PCDH15: variants seen among roughly 807,000 people sequenced by gnomAD.
PCDH15 encodes protocadherin related 15, also known as protocadherin-15.
Under a neutral mutation model 178.5 loss-of-function variants are expected in PCDH15, and 129 were observed. The ratio of observed to expected loss-of-function variants is 0.72; its 90% CI spans 0.63 to 0.84. The LOEUF is 0.84. PCDH15 is among the 40% of genes least tolerant of loss of function. PCDH15 has a pLI of 0.00. For synonymous variants in PCDH15, 800 were observed against 732.0 expected (o/e 1.09, Z -1.50); for missense variants, 2,230 against 2,099.9 (o/e 1.06, Z -1.21).
chr10:54,072,218 C>T (rs983040757), intron 17 of PCDH15, among the ~76,000 whole-genome samples: 1 of 151,980 alleles, frequency 6.6e-6, no homozygotes, highest in South Asian at 2.1e-4. Flanking sequence ...GTTTAGAATT[C>T]AATCATTTTT....
intron 2 of PCDH15, among the ~76,000 whole-genome samples, chr10:55,566,563 C>T (rs1272127643): frequency 2.6e-5 from 4 of 151,468 alleles, no homozygotes; most frequent in African/African-American, 9.7e-5. Flanking sequence ...TTATAGAAAA[C>T]GCTGAAAATT....
At chr10:54,953,943 T>C (rs910577789) in intron 2 of PCDH15, among the ~76,000 whole-genome samples, 4 of 151,380 alleles carry the variant, frequency 2.6e-5, no homozygotes, top group Admixed American at 2.0e-4. Context: ...TTTAATATTT[T>C]GATAGGATTT....
At chr10:54,631,635 C>T (rs2093702702) in intron 2 of PCDH15, among the ~76,000 whole-genome samples, 1 of 152,086 alleles carries the variant, frequency 6.6e-6, no homozygotes, top group South Asian at 2.1e-4. Context: ...TGCACAAAAG[C>T]CAAGTGTATT....
At chr10:55,366,719 G>T (rs1845369535) in intron 2 of PCDH15, among the ~76,000 whole-genome samples, 1 of 152,066 alleles carries the variant, frequency 6.6e-6, no homozygotes, top group African/African-American at 2.4e-5. Flanking sequence ...ATTTAATAAG[G>T]TTTATATAGC....
At chr10:54,187,249 C>T (rs2048555427) in intron 11 of PCDH15, among the ~76,000 whole-genome samples, 1 of 151,924 alleles carries the variant, frequency 6.6e-6, no homozygotes, top group African/African-American at 2.4e-5. Flanking sequence ...TTAATTCTCT[C>T]AATTTATTTT....
chr10:54,545,020 T>C (rs1279133316), intron 2 of PCDH15, among the ~76,000 whole-genome samples: 1 of 152,112 alleles, frequency 6.6e-6, no homozygotes, highest in African/African-American at 2.4e-5. Flanking sequence ...TAATCACAAA[T>C]GTCTGTACTC....
At chr10:54,217,928 TG>T (rs1458956013) in intron 9 of PCDH15, among the ~76,000 whole-genome samples, 1 of 152,206 alleles carries the variant, frequency 6.6e-6, no homozygotes, top group Non-Finnish European at 1.5e-5. Flanking sequence ...TTTGTTTTTT[TG>T]TTTTTTAAGC....
chr10:55,301,866 C>T (rs1003492116), intron 1 of PCDH15, among the ~76,000 whole-genome samples: 10 of 152,106 alleles, frequency 6.6e-5, no homozygotes, highest in African/African-American at 1.2e-4. Context: ...CATTGAATTG[C>T]TTTTGCACTT....
intron 13 of PCDH15, among the ~76,000 whole-genome samples, chr10:54,173,842 T>C (rs1288470040): frequency 6.6e-6 from 1 of 152,054 alleles, no homozygotes; most frequent in Non-Finnish European, 1.5e-5. Context: ...GAAGGAGAAA[T>C]CAGGATGCTC....
At chr10:54,757,936 G>A (rs1234656148) in intron 1 of PCDH15, among the ~76,000 whole-genome samples, 1 of 152,136 alleles carries the variant, frequency 6.6e-6, no homozygotes, top group East Asian at 1.9e-4. Context: ...ATACAGCCAT[G>A]CCTGAAAAAC....
At chr10:54,487,890 T>C (rs1273920857) in intron 3 of PCDH15, among the ~76,000 whole-genome samples, 1 of 151,904 alleles carries the variant, frequency 6.6e-6, no homozygotes, top group African/African-American at 2.4e-5. Flanking sequence ...AAAATGCATA[T>C]ATACACAAAA....
chr10:54,741,947 A>G (rs1383149878), intron 1 of PCDH15, among the ~76,000 whole-genome samples: 1 of 152,038 alleles, frequency 6.6e-6, no homozygotes, highest in Non-Finnish European at 1.5e-5. Context: ...TAACATATTC[A>G]ACAATTGTGA....
chr10:54,350,872 A>G (rs1278272972), intron 5 of PCDH15, among the ~76,000 whole-genome samples: 1 of 152,058 alleles, frequency 6.6e-6, no homozygotes, highest in Non-Finnish European at 1.5e-5. Flanking sequence ...GGGAGGCTGA[A>G]CTAGATGGAT....
intron 3 of PCDH15, among the ~76,000 whole-genome samples, chr10:54,509,129 G>T (rs1435427560): frequency 6.6e-6 from 1 of 152,090 alleles, no homozygotes; most frequent in African/African-American, 2.4e-5. Flanking sequence ...ACCTGTAGAA[G>T]AAACTGGTTA....
chr10:54,649,060 A>C (rs2094197170), intron 2 of PCDH15, among the ~76,000 whole-genome samples: 1 of 152,172 alleles, frequency 6.6e-6, no homozygotes, highest in Non-Finnish European at 1.5e-5. Flanking sequence ...CCTTAGGGGC[A>C]GTATAGGATC....
chr10:54,296,340 C>A (rs1335664094), intron 8 of PCDH15, among the ~76,000 whole-genome samples: 1 of 151,850 alleles, frequency 6.6e-6, no homozygotes, highest in Non-Finnish European at 1.5e-5. Flanking sequence ...GAAAGCCATT[C>A]AGCTCCAGGG....
chr10:55,100,080 A>G (rs1281039009), intron 2 of PCDH15, among the ~76,000 whole-genome samples: 1 of 152,134 alleles, frequency 6.6e-6, no homozygotes, highest in Non-Finnish European at 1.5e-5. Flanking sequence ...AATACTTACC[A>G]AGAGCATTTA....
intron 1 of PCDH15, among the ~76,000 whole-genome samples, chr10:55,310,935 G>T (rs1475303838): frequency 6.6e-6 from 1 of 152,132 alleles, no homozygotes; most frequent in Non-Finnish European, 1.5e-5. Context: ...ATGACAGGTT[G>T]ATGGATGCAG....
At chr10:54,095,960 T>A (rs1175417591) in intron 15 of PCDH15, among the ~76,000 whole-genome samples, 1 of 152,114 alleles carries the variant, frequency 6.6e-6, no homozygotes, top group Non-Finnish European at 1.5e-5. Context: ...AAATGACGCA[T>A]CCAAATAATG....
Sources: gnomAD v4.1 joint callset for allele counts (sites outside exome capture counted in the v4.1 genomes callset) on GRCh38, gnomAD v4.1.1 for gene constraint, MANE v1.5 for transcripts, NCBI Gene and HGNC (gene_info 2026-07-23, HGNC 2026-07-21) for gene names.